Variants in UNC5C observed in about 807,000 individuals in gnomAD.
UNC5C encodes the protein unc-5 netrin receptor C, also known as netrin receptor UNC5C.
UNC5C carries 47 observed loss-of-function variants against 99.8 expected under a neutral mutation model. The observed-to-expected ratio is 0.47, with a 90% CI of 0.37 to 0.60. UNC5C has a LOEUF of 0.60. Ranked by LOEUF, UNC5C falls within the 20% of genes least tolerant of loss-of-function variation. The pLI is 0.00. For missense variants in UNC5C, 1,062 were observed against 1,165.9 expected, an observed-to-expected ratio of 0.91 and a Z score of 1.30; for synonymous variants, 487 against 452.2, an observed-to-expected ratio of 1.08 and a Z score of -0.98.
chr4:95,455,093 A>C (rs1044082297), intron 1 of UNC5C, among the ~76,000 whole-genome samples: 1 of 152,154 alleles, frequency 6.6e-6, no homozygotes, highest in Non-Finnish European at 1.5e-5. Context: ...AAATGTATAG[A>C]GTACATGTAT....
chr4:95,264,742 T>G (rs1168750913), intron 4 of UNC5C, among the ~76,000 whole-genome samples: 1 of 152,156 alleles, frequency 6.6e-6, no homozygotes, highest in Non-Finnish European at 1.5e-5. Context: ...CTACTCAAAC[T>G]TCACTTTCAA....
At chr4:95,510,017 C>T (rs1722028426) in intron 1 of UNC5C, among the ~76,000 whole-genome samples, 1 of 151,950 alleles carries the variant, frequency 6.6e-6, no homozygotes, top group Admixed American at 6.6e-5. Flanking sequence ...AAAGTCCTCT[C>T]CGTATTTTAC....
At chr4:95,186,122 T>C (rs1453313854) in intron 12 of UNC5C, among the ~76,000 whole-genome samples, 7 of 152,236 alleles carry the variant, frequency 4.6e-5, no homozygotes, top group Admixed American at 4.6e-4. Flanking sequence ...GGGTCTCCTC[T>C]GCTGTCTGAA....
In UNC5C at chr4:95,192,750, C is replaced by A. The variant is rs112535456; in HGVS notation, c.2137-7554G>T. Reference sequence around the variant, plus strand: ...TTCTCTGCTCACCTCTTCCTCTGCTCACCCTTGCCCTGCATAACAACTTGC... The same window carrying A: ...TTCTCTGCTCACCTCTTCCTCTGCTAACCCTTGCCCTGCATAACAACTTGC... On this transcript the variant is annotated intron_variant, in intron 12 of 15. Coordinates refer to ENST00000453304, the MANE Select transcript of UNC5C (RefSeq NM_003728.4). Among the ~76,000 whole-genome samples the A allele has an allele frequency of 5.5e-3, 840 of 152,174 alleles. 3 individuals are homozygous for A. Among genetic ancestry groups the A allele is most frequent in the Middle Eastern group, 0.027 (8 of 294 alleles).
chr4:95,171,050 A>C (rs1428984931), intron 14 of UNC5C, among the ~76,000 whole-genome samples: 1 of 152,248 alleles, frequency 6.6e-6, no homozygotes, highest in Non-Finnish European at 1.5e-5. Context: ...GTCTCAGCTC[A>C]TAAAACAGCA....
intron 7 of UNC5C, among the ~76,000 whole-genome samples, chr4:95,222,583 C>A (rs189625897): frequency 1.3e-4 from 20 of 152,242 alleles, no homozygotes; most frequent in Non-Finnish European, 2.4e-4. Context: ...GGGTCATTAG[C>A]ATAAGGAAAA....
At chr4:95,191,697 CCCCTGCTTACCCTCCTT>C (rs1737105273) in intron 12 of UNC5C, among the ~76,000 whole-genome samples, 1 of 151,390 alleles carries the variant, frequency 6.6e-6, no homozygotes, top group Non-Finnish European at 1.5e-5. Context: ...ATCACCTCCT[CCCCTGCTTACCCTCCTT>C]CCCTGCTCAC....
intron 14 of UNC5C, among the ~76,000 whole-genome samples, chr4:95,178,550 T>TAATG (rs1253412310): frequency 1.3e-5 from 2 of 152,248 alleles, no homozygotes; most frequent in African/African-American, 4.8e-5. Context: ...GCTACTCAAT[T>TAATG]AATGTTTGTT....
intron 1 of UNC5C, among the ~76,000 whole-genome samples, chr4:95,452,445 A>C (rs1184238422): frequency 6.6e-6 from 1 of 152,144 alleles, no homozygotes. Flanking sequence ...CAGACCACGG[A>C]GGGTTTCACC....
intron 1 of UNC5C, among the ~76,000 whole-genome samples, chr4:95,503,211 G>A (rs1255585740): frequency 6.6e-6 from 1 of 151,986 alleles, no homozygotes; most frequent in African/African-American, 2.4e-5. Flanking sequence ...CAAAAGAGAG[G>A]CCCCTTCTTG....
At chr4:95,249,612 T>A (rs569573021) in intron 5 of UNC5C, among the ~76,000 whole-genome samples, 3 of 152,278 alleles carry the variant, frequency 2.0e-5, no homozygotes, top group African/African-American at 7.2e-5. Context: ...ATGAAATGAC[T>A]AGAAAATAAC....
rs1238237058 is a variant in UNC5C, at chr4:95,319,919, G to C, written c.346+15491C>G. 2.0e-5 allele frequency among the ~76,000 whole-genome samples: 3 copies of C among 152,074 alleles called. No homozygotes were observed. The East Asian group carries it at 5.8e-4, about 29-fold the overall frequency. Reference sequence around the variant, plus strand: ...ACAAATAGAATGGAACAACAGCCTGGATCATTATCTCATAATTACCAACCA... The same window carrying C: ...ACAAATAGAATGGAACAACAGCCTGCATCATTATCTCATAATTACCAACCA... On this transcript the variant is annotated intron_variant, in intron 2 of 15. Coordinates refer to ENST00000453304, the MANE Select transcript of UNC5C (RefSeq NM_003728.4).
intron 14 of UNC5C, among the ~76,000 whole-genome samples, chr4:95,182,093 C>G (rs2149350085): frequency 6.6e-6 from 1 of 152,224 alleles, no homozygotes; most frequent in South Asian, 2.1e-4. Flanking sequence ...GAAGGGTTAT[C>G]AATTTTCAAG....
At chr4:95,369,104 C>T (rs975710607) in intron 1 of UNC5C, among the ~76,000 whole-genome samples, 1 of 151,940 alleles carries the variant, frequency 6.6e-6, no homozygotes, top group African/African-American at 2.4e-5. Flanking sequence ...AGGGATCCTC[C>T]CACCTCGGCC....
chr4:95,513,597 A>C (rs1366693885), intron 1 of UNC5C, among the ~76,000 whole-genome samples: 1 of 152,202 alleles, frequency 6.6e-6, no homozygotes, highest in Non-Finnish European at 1.5e-5. Context: ...AAGACAACAC[A>C]TTAAAATGTA....
intron 12 of UNC5C, among the ~76,000 whole-genome samples, chr4:95,201,248 C>T (rs1054136928): frequency 6.6e-6 from 1 of 152,126 alleles, no homozygotes; most frequent in African/African-American, 2.4e-5. Flanking sequence ...CCTGAGTTTG[C>T]TTCTATGACT....
At chr4:95,277,614 T>G (rs2149393870) in intron 4 of UNC5C, among the ~76,000 whole-genome samples, 1 of 152,328 alleles carries the variant, frequency 6.6e-6, no homozygotes, top group Non-Finnish European at 1.5e-5. Flanking sequence ...TCAAAGGACA[T>G]GGTATTGTGT....
rs1180387773 is a variant in UNC5C at position 95,182,934 on chromosome 4, T to C, written c.2414A>G (p.Glu805Gly). The change falls in exon 14 of 16, where the codon GAA becomes GGA. Residue 805 changes from glutamate to glycine, a missense_variant. Glu to Gly is a moderately conservative substitution (Grantham distance 98, BLOSUM62 -2). Transcript: ENST00000453304. ...CKLCVRQVEG[E>G]GQIFQLNCTV... is the part of the protein sequence containing the mutation. ...GCAGTTGAGCTGGAAGATCTGCCCT[T>C]CTCCTTCCACCTGCCGCACACAGAG... The C allele has an allele frequency of 2.5e-6, 4 of 1,613,738 alleles. No homozygotes were observed. The highest frequency in any genetic ancestry group is 3.4e-6 in the Non-Finnish European group (4 of 1,179,860).
In UNC5C at chr4:95,363,938, T is replaced by C. The variant is rs1744474287; in HGVS notation, c.125-28307A>G. Among the ~76,000 whole-genome samples the C allele has an allele frequency of 2.6e-5, 4 of 152,182 alleles. No homozygotes were observed. In the South Asian group the frequency reaches 8.3e-4, roughly 31 times the overall value. On this transcript the variant is annotated intron_variant, in intron 1 of 15. Coordinates refer to ENST00000453304, the MANE Select transcript of UNC5C (RefSeq NM_003728.4). Reference sequence around the variant, plus strand: ...CTGGGGGAAGCAATTGAAAACCTCATTTGAACTATACTGGGCAAAGTGTTT... The same window carrying C: ...CTGGGGGAAGCAATTGAAAACCTCACTTGAACTATACTGGGCAAAGTGTTT...
Sources: gnomAD v4.1 joint callset for allele counts (sites outside exome capture counted in the v4.1 genomes callset) on GRCh38, gnomAD v4.1.1 for gene constraint, MANE v1.5 for transcripts, NCBI Gene and HGNC (gene_info 2026-07-23, HGNC 2026-07-21) for gene names.